Variants in TENM1 observed in about 807,000 individuals in gnomAD.
TENM1 encodes the protein teneurin transmembrane protein 1, also known as teneurin-1.
In TENM1, 35 loss-of-function variants were observed where a neutral mutation model predicts 174.8. The observed-to-expected ratio is 0.20, with a 90% CI of 0.15 to 0.27. The LOEUF is 0.27. TENM1 is among the 10% of genes least tolerant of loss of function. The pLI is 1.00. For synonymous variants in TENM1, 781 were observed against 798.7 expected, an observed-to-expected ratio of 0.98 and a Z score of 0.37; for missense variants, 1,633 against 2,130.1, an observed-to-expected ratio of 0.77 and a Z score of 4.59.
intron 3 of TENM1, among the ~76,000 whole-genome samples, chrX:124,835,625 A>T (rs1302248204): frequency 2.7e-5 from 3 of 111,798 alleles, no homozygotes; most frequent in Non-Finnish European, 5.6e-5. Context: ...AATATTTCCC[A>T]TCCTATTGGG....
intron 11 of TENM1, among the ~76,000 whole-genome samples, chrX:124,576,222 G>T (rs1021212901): frequency 9.0e-6 from 1 of 111,099 alleles, no homozygotes; most frequent in Admixed American, 9.5e-5. Flanking sequence ...ACCATACCCA[G>T]AAAATTTTTG....
At chrX:124,626,171 C>G (rs180972619) in intron 11 of TENM1, among the ~76,000 whole-genome samples, 332 of 110,850 alleles carry the variant, frequency 3.0e-3, no homozygotes, top group African/African-American at 0.01. Context: ...TTAGGGCGAG[C>G]TACTCCAACG....
intron 23 of TENM1, among the ~76,000 whole-genome samples, chrX:124,424,754 G>A (rs1273911094): frequency 1.8e-5 from 2 of 110,969 alleles, no homozygotes; most frequent in East Asian, 2.8e-4. Context: ...TCCCCCCTTG[G>A]TACTGTATAG....
chrX:124,816,049 AC>A (rs1349435126), intron 3 of TENM1, among the ~76,000 whole-genome samples: 1 of 111,214 alleles, frequency 9.0e-6, no homozygotes, highest in Non-Finnish European at 1.9e-5. Context: ...TGAATAGAAA[AC>A]GTTTGTGTTT....
rs112879246 is a variant in TENM1, at chrX:124,520,972, C to G, written c.3034-188G>C. ...ATGATAATAGGTTTTGAATTTTGCA[C>G]CAAACCTGAATGGAGACAAGACCCA... On this transcript the variant is annotated intron_variant, in intron 17 of 31. Coordinates refer to ENST00000422452, the Ensembl canonical transcript of TENM1. 1.8e-3 allele frequency among the ~76,000 whole-genome samples: 200 copies of G among 111,155 alleles called. 1 individual carries two copies. The highest frequency in any genetic ancestry group is 6.3e-3 in the African/African-American group (192 of 30,596).
the TENM1 span, among the ~76,000 whole-genome samples, chrX:125,084,862 G>C: frequency 9.0e-6 from 1 of 111,482 alleles, no homozygotes; most frequent in African/African-American, 3.3e-5. Context: ...AACCAGGAGA[G>C]ACTATTAACC....
chrX:124,966,518 C>T (rs972686534), upstream of TENM1, among the ~76,000 whole-genome samples: 3 of 108,789 alleles, frequency 2.8e-5, no homozygotes, highest in South Asian at 4.0e-4. Flanking sequence ...AAAAATTAGC[C>T]GGGCGTGGTA....
intron 23 of TENM1, among the ~76,000 whole-genome samples, chrX:124,451,597 C>T (rs1243371789): frequency 8.9e-6 from 1 of 111,903 alleles, no homozygotes; most frequent in Admixed American, 9.5e-5. Context: ...AAGCTGGAGG[C>T]ATCACGCTAC....
intron 5 of TENM1, among the ~76,000 whole-genome samples, chrX:124,694,244 TTTTTTAATGGGAGTAATTCTTC>T (rs1441098497): frequency 4.5e-5 from 5 of 111,437 alleles, no homozygotes; most frequent in Non-Finnish European, 9.4e-5. Flanking sequence ...GTTCAAACAG[TTTTTTAATGGGAGTAATTCTTC>T]TTTTTAATGG....
chrX:124,404,098 T>G (rs1438053579), intron 27 of TENM1, among the ~76,000 whole-genome samples: 3 of 111,794 alleles, frequency 2.7e-5, no homozygotes, highest in East Asian at 2.8e-4. Flanking sequence ...GCCTTACTGA[T>G]AATTAAAAAG....
At chrX:124,523,365 T>C in exon 17 of TENM1, 1 of 1,211,621 alleles carries the variant, frequency 8.3e-7, no homozygotes, top group Non-Finnish European at 1.1e-6. Context: ...TATACTCACC[T>C]GCAGCTCAGG....
intron 4 of TENM1, among the ~76,000 whole-genome samples, chrX:124,707,520 C>T (rs1267591860): frequency 5.4e-5 from 6 of 110,765 alleles, no homozygotes; most frequent in Non-Finnish European, 1.9e-5. Flanking sequence ...ACTGACTGGA[C>T]CCAACGTGGT....
intron 1 of TENM1, among the ~76,000 whole-genome samples, chrX:124,903,320 T>G (rs1243280510): frequency 2.7e-5 from 3 of 111,667 alleles, no homozygotes; most frequent in Non-Finnish European, 5.6e-5. Context: ...CATCCCAGAA[T>G]GCAGTTAAAA....
At chrX:124,709,052 CA>C (rs1354549070) in intron 4 of TENM1, among the ~76,000 whole-genome samples, 1 of 111,140 alleles carries the variant, frequency 9.0e-6, no homozygotes, top group Non-Finnish European at 1.9e-5. Flanking sequence ...AACTGAGACC[CA>C]AAGAGGTTTA....
At chrX:124,606,632 A>G (rs1217720871) in intron 11 of TENM1, among the ~76,000 whole-genome samples, 1 of 111,397 alleles carries the variant, frequency 9.0e-6, no homozygotes, top group Non-Finnish European at 1.9e-5. Flanking sequence ...AGCTGCTAGA[A>G]AGAGAGTAGG....
At chrX:125,029,474 G>T in the TENM1 span, among the ~76,000 whole-genome samples, 4 of 111,348 alleles carry the variant, frequency 3.6e-5, no homozygotes, top group Non-Finnish European at 7.5e-5. Flanking sequence ...TTACAGGCGG[G>T]AAACCGAGAC....
At chrX:124,986,834 G>T in the TENM1 span, among the ~76,000 whole-genome samples, 1 of 111,375 alleles carries the variant, frequency 9.0e-6, no homozygotes, top group East Asian at 2.8e-4. Flanking sequence ...TAGAGACAGG[G>T]TTTCACCATG....
rs774952242 is a variant in TENM1, at chrX:124,820,044, C to T, written c.535+74252G>A. Among the ~76,000 whole-genome samples the T allele has an allele frequency of 5.4e-5, 6 of 110,820 alleles. No individual in the cohort carries two copies. In the East Asian group the frequency reaches 1.7e-3, roughly 32 times the overall value. ...TCAAGTGATCCACCTACCTCGGCCT[C>T]CCAAAGCGCTGGGTGCTGGGATTAC... On this transcript the variant is annotated intron_variant, in intron 3 of 31. Transcript: ENST00000422452.
At chrX:124,382,525 A>C in intron 31 of TENM1, 145 bp downstream of exon 34, 61 of 414,833 alleles carry the variant, frequency 1.5e-4, no homozygotes, top group Non-Finnish European at 2.1e-4. Context: ...AGCTTTTTTT[A>C]TACCTTCTCA....
Sources: gnomAD v4.1 joint callset for allele counts (sites outside exome capture counted in the v4.1 genomes callset) on GRCh38, gnomAD v4.1.1 for gene constraint, MANE v1.5 for transcripts, NCBI Gene and HGNC (gene_info 2026-07-23, HGNC 2026-07-21) for gene names.